GAB1: variants seen among roughly 807,000 people sequenced by gnomAD.
GAB1 encodes GRB2-associated-binding protein 1.
In GAB1, 19 loss-of-function variants were observed where a neutral mutation model predicts 66.5. The observed-to-expected ratio is 0.29, with a 90% confidence interval of 0.20 to 0.42. The LOEUF is 0.42. GAB1 is among the 10% of genes least tolerant of loss of function. The pLI is 1.00. For missense variants in GAB1, 732 were observed against 858.5 expected, an observed-to-expected ratio of 0.85 and a Z score of 1.84; for synonymous variants, 294 against 301.4, an observed-to-expected ratio of 0.98 and a Z score of 0.25.
rs193202494 is a variant in GAB1 at position 143,405,477 on chromosome 4, C to A, written c.73-10000C>A. On this transcript the variant is annotated intron_variant, in intron 1 of 9. Transcript: ENST00000262994. ...TTGAGAGTTTATGGCTGAATTCTTA[C>A]AACAATAAGAAAACCCACTATTGGT... 3.4e-4 allele frequency among the ~76,000 whole-genome samples: 51 copies of A among 151,506 alleles called. No homozygotes were observed. The East Asian group carries it at 9.1e-3, about 27-fold the overall frequency.
intron 8 of GAB1, 73 bp from the exon 9 acceptor site, chr4:143,466,030 G>T: frequency 6.6e-7 from 1 of 1,521,222 alleles, no homozygotes; most frequent in Admixed American, 1.9e-5. Flanking sequence ...TTAGGCTTCC[G>T]TAGATGTTCA....
chr4:143,462,568 A>G (rs998829397), intron 8 of GAB1, among the ~76,000 whole-genome samples: 4 of 148,808 alleles, frequency 2.7e-5, no homozygotes, highest in Admixed American at 1.3e-4. Context: ...TCAAAATACA[A>G]TTTTTTTTTT....
chr4:143,467,369 T>C (rs1215362111), intron 9 of GAB1, among the ~76,000 whole-genome samples: 1 of 152,244 alleles, frequency 6.6e-6, no homozygotes, highest in Non-Finnish European at 1.5e-5. Flanking sequence ...GATTCCTTTT[T>C]ATTTATCTTG....
rs901409107 is a variant in GAB1 at position 143,470,653 on chromosome 4, G to C, written c.*1464G>C. On this transcript the variant is annotated 3_prime_UTR_variant, in exon 10 of 10. Coordinates refer to ENST00000262994, the MANE Select transcript of GAB1 (RefSeq NM_002039.4). ...TTAACCAAGTTACATACAATCTCATGTACTGATTTGAGACTTATAACAATT... is the reference window on the plus strand; with the variant it reads ...TTAACCAAGTTACATACAATCTCATCTACTGATTTGAGACTTATAACAATT... 2 of 152,242 alleles carry C rather than the reference G, an allele frequency of 1.3e-5. No homozygotes were observed. The highest frequency in any genetic ancestry group is 2.9e-5 in the Non-Finnish European group (2 of 68,042). The allele number at this position is 152,242 out of a possible 1,614,324, so 9.4% of individuals were successfully genotyped here.
chr4:143,453,841 A>G (rs796204371), intron 6 of GAB1, among the ~76,000 whole-genome samples: 12 of 152,276 alleles, frequency 7.9e-5, no homozygotes, highest in African/African-American at 2.6e-4. Flanking sequence ...TAAGCCCCCA[A>G]CCAGCTTGGT....
chr4:143,469,144 G>A lies in GAB1; in HGVS notation c.2040G>A (p.Gly680=), dbSNP rs763859429. ...GTACCCGGGAAGCCTGGACAGATGG[G>A]AGACAGTCCACAGAATCAGAAACGC... ...LKSTREAWTD[G]RQSTESETPA... is the part of the protein sequence containing the mutation. Residue 680 remains glycine, a synonymous_variant, in exon 10 of 10, where the codon GGG becomes GGA. Transcript: ENST00000262994. The A allele has an allele frequency of 3.1e-6, 5 of 1,614,130 alleles. No homozygotes were observed. The highest frequency in any genetic ancestry group is 1.3e-5 in the African/African-American group (1 of 75,040).
At chr4:143,367,986 A>T (rs911252890) in intron 1 of GAB1, among the ~76,000 whole-genome samples, 1 of 151,920 alleles carries the variant, frequency 6.6e-6, no homozygotes, top group Non-Finnish European at 1.5e-5. Flanking sequence ...CAGCCTCCCA[A>T]AGTGCTAGGA....
At chr4:143,424,987 C>G in intron 2 of GAB1, 1 of 662,246 alleles carries the variant, frequency 1.5e-6, no homozygotes, top group Non-Finnish European at 2.7e-6. Flanking sequence ...TTCTGTGCTA[C>G]CCACAGAGGG....
In GAB1 at chr4:143,450,903, C is replaced by A. The variant is rs199843096; in HGVS notation, c.1586-8482C>A. ...AAGACTGCATCTCAAAAAAAAAAAA[C>A]AAAAAATGTGTGAGATTGATCAGGT... On this transcript the variant is annotated intron_variant, in intron 6 of 9. Coordinates refer to ENST00000262994, the MANE Select transcript of GAB1 (RefSeq NM_002039.4). Among the ~76,000 whole-genome samples, 514 of 146,974 alleles carry A rather than the reference C, an allele frequency of 3.5e-3. 3 individuals are homozygous for A. The highest frequency in any genetic ancestry group is 4.0e-3 in the Admixed American group (60 of 14,832).
chr4:143,455,110 T>G (rs922276008), intron 6 of GAB1, among the ~76,000 whole-genome samples: 1 of 152,184 alleles, frequency 6.6e-6, no homozygotes, highest in African/African-American at 2.4e-5. Flanking sequence ...TCCGTTTCAG[T>G]CCTTCCCATT....
At chr4:143,426,701 C>G (rs942133034) in intron 2 of GAB1, among the ~76,000 whole-genome samples, 4 of 152,154 alleles carry the variant, frequency 2.6e-5, no homozygotes, top group Admixed American at 1.3e-4. Flanking sequence ...TAGAGATAAA[C>G]TGTCATATTT....
Position 143,438,582 on chromosome 4 carries a change from T to A in GAB1, c.1177T>A (p.Leu393Ile). 1 of 1,613,076 alleles carries A rather than the reference T, an allele frequency of 6.2e-7. No homozygotes were observed. Among genetic ancestry groups the A allele is most frequent in the African/African-American group, 1.3e-5 (1 of 75,020 alleles). Residue 393 changes from leucine to isoleucine, a missense_variant, in exon 4 of 10, where the codon TTA (leucine) becomes ATA (isoleucine). Around this residue, in one of 4 missense-constraint regions of GAB1, gnomAD observed 427 missense variants for 420.6 expected, o/e 1.02. Transcript: ENST00000262994. ...TAGTAATACCATTTCCACTGTGGATTTAAACAAATTGCGAAAAGGTCAGCT... is the reference window on the plus strand; with the variant it reads ...TAGTAATACCATTTCCACTGTGGATATAAACAAATTGCGAAAAGGTCAGCT... ...SRSNTISTVD[L>I]NKLRKDASSQ... is the part of the protein sequence containing the mutation.
intron 1 of GAB1, among the ~76,000 whole-genome samples, chr4:143,413,240 T>C (rs2149714654): frequency 6.6e-6 from 1 of 152,336 alleles, no homozygotes; most frequent in East Asian, 1.9e-4. Context: ...TTTTTAAAGC[T>C]TACTGCTTGA....
At chr4:143,447,410 A>T (rs943889861) in intron 6 of GAB1, among the ~76,000 whole-genome samples, 2 of 152,200 alleles carry the variant, frequency 1.3e-5, no homozygotes, top group Non-Finnish European at 2.9e-5. Context: ...CACGATATTG[A>T]TTCTTCCTAC....
intron 1 of GAB1, among the ~76,000 whole-genome samples, chr4:143,342,085 G>A (rs1332045306): frequency 6.6e-6 from 1 of 152,142 alleles, no homozygotes; most frequent in Non-Finnish European, 1.5e-5. Flanking sequence ...TGTTTTTTCT[G>A]TTAACAGAGA....
intron 1 of GAB1, among the ~76,000 whole-genome samples, chr4:143,383,971 G>A (rs895268426): frequency 6.6e-5 from 10 of 152,132 alleles, no homozygotes; most frequent in Admixed American, 2.0e-4. Flanking sequence ...TACTTAGGAG[G>A]CTGAGGTCAA....
intron 1 of GAB1, among the ~76,000 whole-genome samples, chr4:143,361,857 C>A (rs1581227182): frequency 6.6e-6 from 1 of 151,806 alleles, no homozygotes. Context: ...AGTCTGATTG[C>A]AGGGGTGGTT....
intron 1 of GAB1, among the ~76,000 whole-genome samples, chr4:143,343,858 C>T (rs1162122168): frequency 6.6e-6 from 1 of 152,138 alleles, no homozygotes; most frequent in Non-Finnish European, 1.5e-5. Context: ...CTTCCCAGCA[C>T]CCCAGTTTCA....
chr4:143,362,087 A>T (rs954191458), intron 1 of GAB1, among the ~76,000 whole-genome samples: 4 of 151,944 alleles, frequency 2.6e-5, no homozygotes, highest in Non-Finnish European at 5.9e-5. Flanking sequence ...TGATTTTCCA[A>T]ACATAGGAAG....
Sources: gnomAD v4.1 joint callset for allele counts (sites outside exome capture counted in the v4.1 genomes callset) on GRCh38, gnomAD v4.1.1 for gene constraint, gnomAD v4.1.1 regional missense constraint, MANE v1.5 for transcripts, NCBI Gene and HGNC (gene_info 2026-07-23, HGNC 2026-07-21) for gene names.